Variants in CAP2 observed in about 807,000 individuals in gnomAD.
The protein encoded by CAP2 is adenylyl cyclase-associated protein 2.
CAP2 carries 24 observed loss-of-function variants against 57.7 expected under a neutral mutation model. The observed-to-expected ratio is 0.42, with a 90% CI of 0.30 to 0.58. The LOEUF (loss-of-function observed/expected upper bound fraction) is 0.58. CAP2 is among the 20% of genes least tolerant of loss of function. The pLI, the probability that CAP2 is intolerant of heterozygous loss-of-function variation, is 0.22. For missense variants in CAP2, 501 were observed against 590.3 expected, an observed-to-expected ratio of 0.85 and a Z score of 1.57; for synonymous variants, 194 against 207.2, an observed-to-expected ratio of 0.94 and a Z score of 0.55.
At chr6:17,430,959 C>T (rs1182868013) in intron 3 of CAP2, among the ~76,000 whole-genome samples, 4 of 152,122 alleles carry the variant, frequency 2.6e-5, no homozygotes, top group African/African-American at 9.7e-5. Context: ...TTTTCCTAAC[C>T]CAAGTCTTTT....
chr6:17,507,613 T>C (rs1762023777), intron 5 of CAP2, 28 bp from the exon 6 acceptor site: 5 of 1,354,090 alleles, frequency 3.7e-6, no homozygotes, highest in Non-Finnish European at 5.3e-6. Flanking sequence ...TTTCCTTCTA[T>C]GCTTGGGTGA....
intron 7 of CAP2, 129 bp from the exon 8 acceptor site, chr6:17,539,140 C>G (rs950980968): frequency 1.3e-6 from 1 of 780,550 alleles, no homozygotes; most frequent in Admixed American, 2.3e-5. Flanking sequence ...ACAGGTGTGC[C>G]CTCTGGGAGC....
At chr6:17,440,614 G>GTGTGTGTGT (rs1554122866) in intron 3 of CAP2, among the ~76,000 whole-genome samples, 3,556 of 141,620 alleles carry the variant, frequency 0.025, 107 homozygotes, top group African/African-American at 0.036. Context: ...AACTGTGTGT[G>GTGTGTGTGT]GTGTGTGTGT....
intron 2 of CAP2, among the ~76,000 whole-genome samples, chr6:17,422,657 A>G (rs1166578028): frequency 6.6e-6 from 1 of 152,104 alleles, no homozygotes; most frequent in African/African-American, 2.4e-5. Flanking sequence ...CCAACCAAAT[A>G]TGCTTTTAAA....
At chr6:17,438,462 G>A (rs1175080487) in intron 3 of CAP2, among the ~76,000 whole-genome samples, 6 of 33,898 alleles carry the variant, frequency 1.8e-4, no homozygotes, top group Non-Finnish European at 2.2e-4. Flanking sequence ...TTTTTGAGAC[G>A]GAATCTTTGT....
chr6:17,461,796 T>G (rs1433730183), intron 3 of CAP2, among the ~76,000 whole-genome samples: 2 of 150,240 alleles, frequency 1.3e-5, no homozygotes, highest in Non-Finnish European at 3.0e-5. Flanking sequence ...ATCGAGACCA[T>G]CCTGGCGAAC....
intron 3 of CAP2, among the ~76,000 whole-genome samples, chr6:17,427,349 C>G (rs1292159462): frequency 6.6e-6 from 1 of 152,112 alleles, no homozygotes; most frequent in Admixed American, 6.5e-5. Flanking sequence ...CCCGGGGTCA[C>G]CGGGCAGAGG....
At chr6:17,487,249 G>A (rs961032061) in intron 4 of CAP2, among the ~76,000 whole-genome samples, 1 of 152,062 alleles carries the variant, frequency 6.6e-6, no homozygotes, top group Non-Finnish European at 1.5e-5. Flanking sequence ...CGCTTATCAA[G>A]CCCCTGAGAA....
intron 4 of CAP2, among the ~76,000 whole-genome samples, chr6:17,480,732 C>T (rs1761265382): frequency 1.3e-5 from 2 of 151,942 alleles, no homozygotes; most frequent in Non-Finnish European, 2.9e-5. Context: ...CTCCCCCACC[C>T]CATCTGCCAA....
At chr6:17,435,702 A>AAAAAG (rs1759856770) in intron 3 of CAP2, among the ~76,000 whole-genome samples, 2 of 139,394 alleles carry the variant, frequency 1.4e-5, no homozygotes, top group African/African-American at 6.0e-5. Flanking sequence ...AAAAAAAAAA[A>AAAAAG]AAGAAGTTTA....
chr6:17,405,631 A>G (rs1393787208), intron 1 of CAP2, among the ~76,000 whole-genome samples: 1 of 151,964 alleles, frequency 6.6e-6, no homozygotes, highest in South Asian at 2.1e-4. Context: ...CAACTACTCT[A>G]TTTGGATCTG....
intron 1 of CAP2, among the ~76,000 whole-genome samples, chr6:17,412,182 G>A (rs569139065): frequency 2.0e-5 from 3 of 152,226 alleles, no homozygotes; most frequent in African/African-American, 7.2e-5. Flanking sequence ...GCTCCCTCCT[G>A]CCTCAGTAGC....
intron 1 of CAP2, among the ~76,000 whole-genome samples, chr6:17,406,186 C>A (rs1009291502): frequency 6.6e-6 from 1 of 152,074 alleles, no homozygotes; most frequent in South Asian, 2.1e-4. Context: ...TCGCCACACA[C>A]CTCTACCCCA....
intron 1 of CAP2, among the ~76,000 whole-genome samples, chr6:17,398,826 AT>A (rs1758737027): frequency 6.6e-6 from 1 of 151,818 alleles, no homozygotes; most frequent in African/African-American, 2.4e-5. Flanking sequence ...GCCCGGTCCG[AT>A]TTTAAACATT....
chr6:17,438,093 C>G (rs998344754), intron 3 of CAP2, among the ~76,000 whole-genome samples: 1 of 146,874 alleles, frequency 6.8e-6, no homozygotes, highest in Non-Finnish European at 1.5e-5. Context: ...GCTGGCCAGG[C>G]GTGGTGGCTC....
intron 3 of CAP2, among the ~76,000 whole-genome samples, chr6:17,452,954 G>A (rs1760452282): frequency 6.6e-6 from 1 of 152,194 alleles, no homozygotes; most frequent in Non-Finnish European, 1.5e-5. Flanking sequence ...AAGTGGAGGA[G>A]GGGGCCACAT....
chr6:17,407,778 C>CAAA (rs60480016), intron 1 of CAP2, among the ~76,000 whole-genome samples: 4 of 69,352 alleles, frequency 5.8e-5, no homozygotes, highest in Non-Finnish European at 1.1e-4. Flanking sequence ...GACTCGGTCT[C>CAAA]AAAAAAAAAA....
intron 2 of CAP2, 32 bp downstream of exon 2, chr6:17,421,708 T>G: frequency 6.2e-7 from 1 of 1,612,412 alleles, no homozygotes; most frequent in Non-Finnish European, 8.5e-7. Context: ...ATTCCTGGTC[T>G]TCTTGTGGGT....
intron 3 of CAP2, among the ~76,000 whole-genome samples, chr6:17,455,269 G>T (rs932224896): frequency 2.2e-5 from 3 of 135,524 alleles, no homozygotes; most frequent in Non-Finnish European, 3.2e-5. Flanking sequence ...CTCTAGGAAT[G>T]CTCTACTGGT....
Sources: allele counts gnomAD v4.1 joint callset (sites outside exome capture counted in the v4.1 genomes callset), GRCh38; gene constraint gnomAD v4.1.1; transcripts MANE v1.5; gene names NCBI Gene and HGNC (gene_info 2026-07-23, HGNC 2026-07-21).